The following XG variants were observed in gnomAD, a reference collection of about 807,000 sequenced individuals.
The protein encoded by XG is Xg glycoprotein (Xg blood group).
XG carries 24 observed loss-of-function variants against 25.7 expected under a neutral mutation model. The ratio of observed to expected loss-of-function variants is 0.93; its 90% CI spans 0.68 to 1.31. The LOEUF is 1.31. XG is among the 40% of genes most tolerant of loss of function. XG has a pLI of 0.00. For missense variants in XG, 181 were observed against 187.6 expected, an observed-to-expected ratio of 0.96 and a Z score of 0.21; for synonymous variants, 77 against 69.2, an observed-to-expected ratio of 1.11 and a Z score of -0.56.
intron 7 of XG, 99 bp from the exon 8 acceptor site, chrX:2,806,602 G>T: frequency 1.4e-6 from 1 of 737,217 alleles, no homozygotes; most frequent in Admixed American, 3.4e-5. Context: ...GCTTTTAAGA[G>T]CATCTTGCTT....
chrX:2,794,138 A>C (rs1490057640), intron 5 of XG, among the ~76,000 whole-genome samples: 1 of 111,122 alleles, frequency 9.0e-6, no homozygotes, highest in Non-Finnish European at 1.9e-5. Context: ...GTCCAGAGGC[A>C]GGAGCAACGG....
chrX:2,787,897 A>C (rs868183276), intron 4 of XG, among the ~76,000 whole-genome samples: 10 of 90,013 alleles, frequency 1.1e-4, no homozygotes, highest in African/African-American at 4.7e-4. Context: ...ACAACAGCAA[A>C]ACTCCTTCTC....
Position 2,789,724 on chromosome X carries a change from A to G in XG, c.253+18A>G. On this transcript the variant is annotated intron_variant, in intron 5 of 10. Transcript: ENST00000644266. ...CAGTGGAGGTAATGAGTATTTATTT[A>G]TTTATTTTTATTTTATTTTATTTTA... is the stretch of plus-strand genomic sequence containing the variant. The G allele has an allele frequency of 1.2e-6, 1 of 868,629 alleles. No homozygotes were observed. Among genetic ancestry groups the G allele is most frequent in the Non-Finnish European group, 1.5e-6 (1 of 671,859 alleles). The allele number at this position is 868,629 out of a possible 1,213,427, so 71.6% of individuals were successfully genotyped here.
At chrX:2,809,407 A>G (rs1399237884) in intron 9 of XG, among the ~76,000 whole-genome samples, 3 of 111,654 alleles carry the variant, frequency 2.7e-5, no homozygotes, top group Non-Finnish European at 5.6e-5. Context: ...ACCCTTTCAG[A>G]CCAGTTCAGT....
intron 4 of XG, among the ~76,000 whole-genome samples, chrX:2,783,757 C>T (rs1247257879): frequency 3.5e-5 from 4 of 112,854 alleles, no homozygotes; most frequent in African/African-American, 6.4e-5. Context: ...GGCAGATCAC[C>T]TGAAGTCAGG....
chrX:2,773,008 A>G (rs1360555613), intron 2 of XG, among the ~76,000 whole-genome samples: 1 of 147,028 alleles, frequency 6.8e-6, no homozygotes, highest in East Asian at 2.2e-4. Flanking sequence ...TGAGTGTATC[A>G]CTATTTTAAA....
At chrX:2,783,845 T>C (rs2086757099) in intron 4 of XG, among the ~76,000 whole-genome samples, 1 of 111,646 alleles carries the variant, frequency 9.0e-6, no homozygotes, top group African/African-American at 3.3e-5. Context: ...CATGGTGGCA[T>C]GCGCCTATAA....
At chrX:2,783,201 C>T (rs973137144) in intron 4 of XG, among the ~76,000 whole-genome samples, 4 of 111,728 alleles carry the variant, frequency 3.6e-5, no homozygotes, top group South Asian at 7.6e-4. Context: ...CAAACCCCCA[C>T]GTGTGCTGTG....
chrX:2,754,414 TTGAC>T (rs1247005807), intron 1 of XG, among the ~76,000 whole-genome samples: 2 of 152,184 alleles, frequency 1.3e-5, no homozygotes, highest in Non-Finnish European at 2.9e-5. Flanking sequence ...GCTAAATTCT[TTGAC>T]TGACGGCAGC....
At chrX:2,764,127 T>C (rs1045283994) in intron 1 of XG, among the ~76,000 whole-genome samples, 1 of 152,110 alleles carries the variant, frequency 6.6e-6, no homozygotes, top group Non-Finnish European at 1.5e-5. Flanking sequence ...CCTCGGGTGG[T>C]CCTCACTTGT....
Position 2,761,567 on chromosome X carries a change from G to T in XG, c.62-8983G>T, listed in dbSNP as rs766832265. The stretch of plus-strand genomic sequence containing the variant: ...TGGTGTCTACAAGCCCAGGACAGAG[G>T]CCTCAGGAGGAAACAGCCTTGCCCA... On this transcript the variant is annotated intron_variant, in intron 1 of 10. Coordinates refer to ENST00000644266, the MANE Select transcript of XG (RefSeq NM_001141919.2). 7.5e-4 allele frequency among the ~76,000 whole-genome samples: 114 copies of T among 152,056 alleles called. 1 individual carries two copies. The highest frequency in any genetic ancestry group is 2.6e-3 in the African/African-American group (109 of 41,458).
At chrX:2,794,679 G>C in intron 6 of XG, 76 bp downstream of exon 6, 3 of 1,104,479 alleles carry the variant, frequency 2.7e-6, no homozygotes, top group Non-Finnish European at 3.7e-6. Flanking sequence ...TGAAGTTGGG[G>C]ATGAGAGAGC....
At chrX:2,762,775 A>G (rs754751188) in intron 1 of XG, among the ~76,000 whole-genome samples, 14 of 152,220 alleles carry the variant, frequency 9.2e-5, no homozygotes, top group Non-Finnish European at 1.5e-4. Context: ...TACTCTGTGA[A>G]TCATGCCGTC....
intron 3 of XG, among the ~76,000 whole-genome samples, chrX:2,776,398 C>A (rs928080443): frequency 6.6e-6 from 1 of 152,096 alleles, no homozygotes; most frequent in Non-Finnish European, 1.5e-5. Flanking sequence ...GGGCTTTGGG[C>A]GTTACTAATC....
At chrX:2,801,931 T>C (rs1421196150) in intron 7 of XG, among the ~76,000 whole-genome samples, 6 of 110,480 alleles carry the variant, frequency 5.4e-5, no homozygotes, top group Admixed American at 9.7e-5. Context: ...ATGATCTCGA[T>C]CTCCTGACCT....
intron 3 of XG, among the ~76,000 whole-genome samples, chrX:2,777,322 G>C (rs1296192460): frequency 1.3e-5 from 2 of 152,120 alleles, no homozygotes; most frequent in Non-Finnish European, 2.9e-5. Context: ...GACATTTTAA[G>C]GTTAAGTGTT....
At chrX:2,801,347 A>AAG (rs372340929) in intron 7 of XG, among the ~76,000 whole-genome samples, 2 of 108,213 alleles carry the variant, frequency 1.8e-5, no homozygotes, top group South Asian at 4.0e-4. Flanking sequence ...GAGAGAGAGA[A>AAG]AGAGAGAGAG....
chrX:2,764,035 T>C (rs953236719), intron 1 of XG, among the ~76,000 whole-genome samples: 1 of 152,004 alleles, frequency 6.6e-6, no homozygotes, highest in African/African-American at 2.4e-5. Context: ...AAGAAACAAG[T>C]CATAAAGACC....
intron 9 of XG, 101 bp from the exon 10 acceptor site, chrX:2,811,235 G>T: frequency 1.7e-6 from 1 of 586,536 alleles, no homozygotes; most frequent in Non-Finnish European, 2.7e-6. Context: ...ACTTTCAATG[G>T]CAAAAACCGC....
Sources: allele counts gnomAD v4.1 joint callset (sites outside exome capture counted in the v4.1 genomes callset), GRCh38; gene constraint gnomAD v4.1.1; transcripts MANE v1.5; gene names NCBI Gene and HGNC (gene_info 2026-07-23, HGNC 2026-07-21).